Variants in ADIPOR1 observed in about 807,000 individuals in gnomAD.
ADIPOR1 encodes adiponectin receptor 1.
A neutral mutation model predicts 37.5 loss-of-function variants in ADIPOR1; 15 were observed. The observed-to-expected ratio is 0.40, with a 90% CI of 0.27 to 0.62. ADIPOR1 has a LOEUF of 0.62. Ranked by LOEUF, ADIPOR1 falls within the 20% of genes least tolerant of loss-of-function variation. The pLI is 0.42. For synonymous variants in ADIPOR1, 173 were observed against 173.2 expected (o/e 1.00, Z 0.01); for missense variants, 286 against 478.0 (o/e 0.60, Z 3.75).
chr1:202,944,022 T>C, intron 5 of ADIPOR1, 77 bp from the exon 6 acceptor site: 1 of 1,321,976 alleles, frequency 7.6e-7, no homozygotes, highest in Non-Finnish European at 1.0e-6. Flanking sequence ...GCTCTTTCTG[T>C]TCTCCACCTG....
chr1:202,941,441 T>C lies in ADIPOR1; in HGVS notation c.*132A>G. On this transcript the variant is annotated 3_prime_UTR_variant, in exon 8 of 8. Transcript: ENST00000340990. ...AGTGGGTGTGAAAGTGGGCTGAAGC[T>C]TGGTTGGTACTGAATTCTCTAAGAG... 1 of 1,160,006 alleles carries C rather than the reference T, an allele frequency of 8.6e-7. No individual in the cohort carries two copies. The highest frequency in any genetic ancestry group is 1.2e-6 in the Non-Finnish European group (1 of 847,482). 71.9% of individuals were successfully genotyped at this position (1,160,006 alleles called of 1,614,324 possible).
At chr1:202,949,557 G>A (rs1654476476) in intron 2 of ADIPOR1, among the ~76,000 whole-genome samples, 1 of 143,486 alleles carries the variant, frequency 7.0e-6, no homozygotes, top group Non-Finnish European at 1.5e-5. Context: ...CTCCAGCCAG[G>A]GCGACAGCGA....
intron 1 of ADIPOR1, among the ~76,000 whole-genome samples, chr1:202,951,780 C>T (rs1454714442): frequency 6.6e-6 from 1 of 152,188 alleles, no homozygotes; most frequent in Non-Finnish European, 1.5e-5. Context: ...GAGTTCAACC[C>T]TGGGATAACA....
intron 6 of ADIPOR1, among the ~76,000 whole-genome samples, chr1:202,942,978 C>T (rs1654158746): frequency 6.6e-6 from 1 of 151,174 alleles, no homozygotes; most frequent in Non-Finnish European, 1.5e-5. Flanking sequence ...AAGTGATTCT[C>T]CCGCCTCAGC....
chr1:202,951,730 C>A (rs1319393758), intron 1 of ADIPOR1, among the ~76,000 whole-genome samples: 1 of 152,160 alleles, frequency 6.6e-6, no homozygotes. Context: ...TGGTTAATTT[C>A]TCTGCGAAGT....
intron 5 of ADIPOR1, 69 bp from the exon 6 acceptor site, chr1:202,944,014 T>A: frequency 1.4e-6 from 2 of 1,386,194 alleles, no homozygotes; most frequent in South Asian, 2.7e-5. Context: ...TTTAACTAGC[T>A]CTTTCTGTTC....
chr1:202,957,468 G>GAA (rs77863223), intron 1 of ADIPOR1, among the ~76,000 whole-genome samples: 1 of 150,874 alleles, frequency 6.6e-6, no homozygotes, highest in African/African-American at 2.4e-5. Flanking sequence ...GAAACTGAGG[G>GAA]AAAAAAAACA....
intron 5 of ADIPOR1, chr1:202,944,282 T>C (rs773643513): frequency 5.1e-5 from 10 of 197,978 alleles, no homozygotes; most frequent in Non-Finnish European, 9.3e-5. Flanking sequence ...AGGAAAGGCT[T>C]TGAAAATTCT....
intron 2 of ADIPOR1, among the ~76,000 whole-genome samples, chr1:202,949,724 G>A (rs539651088): frequency 1.3e-5 from 2 of 152,112 alleles, no homozygotes; most frequent in East Asian, 3.9e-4. Context: ...CTCTCCTGTT[G>A]CTGATGGTCA....
chr1:202,957,082 G>T (rs1447743219), intron 1 of ADIPOR1, among the ~76,000 whole-genome samples: 1 of 152,108 alleles, frequency 6.6e-6, no homozygotes, highest in African/African-American at 2.4e-5. Flanking sequence ...ACATTTAGTA[G>T]CTGCAAGCCG....
intron 2 of ADIPOR1, 152 bp downstream of exon 2, chr1:202,950,778 A>G (rs1654543199): frequency 9.3e-7 from 1 of 1,071,530 alleles, no homozygotes; most frequent in African/African-American, 1.6e-5. Flanking sequence ...AGACAACAAG[A>G]TGTTTATAAC....
chr1:202,943,699 G>A, intron 6 of ADIPOR1, 59 bp downstream of exon 6: 1 of 1,550,486 alleles, frequency 6.4e-7, no homozygotes, highest in East Asian at 2.3e-5. Context: ...AAATAGGTTT[G>A]AGCCTATCAG....
At chr1:202,942,279 C>A in intron 6 of ADIPOR1, 61 bp from the exon 7 acceptor site, 1 of 1,450,390 alleles carries the variant, frequency 6.9e-7, no homozygotes, top group Non-Finnish European at 9.3e-7. Flanking sequence ...GAAGGCACTG[C>A]TGTCTTACTC....
At chr1:202,956,027 C>T (rs1373461892) in intron 1 of ADIPOR1, among the ~76,000 whole-genome samples, 5 of 152,206 alleles carry the variant, frequency 3.3e-5, no homozygotes, top group Non-Finnish European at 7.3e-5. Context: ...CCACTCGCCT[C>T]AGCCTCCCAA....
At chr1:202,949,593 A>AAAAAAAAAAAAAAAC (rs1332418254) in intron 2 of ADIPOR1, among the ~76,000 whole-genome samples, 15 of 138,392 alleles carry the variant, frequency 1.1e-4, no homozygotes, top group East Asian at 2.4e-4. Context: ...AAAAAAAAAA[A>AAAAAAAAAAAAAAAC]AAAACACACC....
chr1:202,950,985 T>C lies in ADIPOR1; in HGVS notation c.86A>G (p.Glu29Gly), dbSNP rs1282494177. The stretch of plus-strand genomic sequence containing the variant: ...CTTCTCTTCTAGCAGGGGTCCCAGT[T>C]CAGCCAGTTCCACCGTGTCAGCTTC... Reference protein sequence around the residue: ...NREADTVELAELGPLLEEKGK... With the variant: ...NREADTVELAGLGPLLEEKGK... The change falls in exon 2 of 8, where the codon GAA (glutamate) becomes GGA (glycine). Residue 29 changes from glutamate (E) to glycine (G), a missense_variant. Physicochemically the swap from Glu to Gly is moderately conservative, Grantham distance 98. Coordinates refer to ENST00000340990, the MANE Select transcript of ADIPOR1 (RefSeq NM_015999.6). 1.2e-6 allele frequency: 2 copies of C among 1,614,054 alleles called. No homozygotes were observed. Among genetic ancestry groups the C allele is most frequent in the East Asian group, 2.2e-5 (1 of 44,898 alleles).
intron 1 of ADIPOR1, among the ~76,000 whole-genome samples, chr1:202,955,667 C>T (rs896466088): frequency 2.6e-5 from 4 of 152,102 alleles, no homozygotes; most frequent in Non-Finnish European, 4.4e-5. Flanking sequence ...GTGTGTGGCA[C>T]GATCATAGCT....
In ADIPOR1 at chr1:202,949,529, C is replaced by T. The variant is rs181196649; in HGVS notation, c.142-1109G>A. 2.7e-4 allele frequency among the ~76,000 whole-genome samples: 39 copies of T among 141,892 alleles called. No homozygotes were observed. In the East Asian group the frequency reaches 7.7e-3, roughly 28 times the overall value. The allele number at this position is 141,892 out of a possible 152,430, so 93.1% of individuals were successfully genotyped here. A position where few individuals can be genotyped will look rare whatever the true frequency, so the allele number is the denominator to read the frequency against. The stretch of plus-strand genomic sequence containing the variant: ...CTGGAGGGCGGAGCCTGCAGTGAGC[C>T]GAGAACGTGCCACTGCACTCCAGCC... On this transcript the variant is annotated intron_variant, in intron 2 of 7. Transcript: ENST00000340990.
intron 2 of ADIPOR1, among the ~76,000 whole-genome samples, chr1:202,949,656 A>C (rs945753964): frequency 2.0e-5 from 3 of 151,292 alleles, no homozygotes; most frequent in African/African-American, 7.3e-5. Context: ...CTCTATCCCA[A>C]GGCTCCGAAT....
Sources: allele counts gnomAD v4.1 joint callset (sites outside exome capture counted in the v4.1 genomes callset), GRCh38; gene constraint gnomAD v4.1.1; transcripts MANE v1.5; gene names NCBI Gene and HGNC (gene_info 2026-07-23, HGNC 2026-07-21).